The following NAA16 variants were observed in gnomAD, a reference collection of about 807,000 sequenced individuals.
The protein encoded by NAA16 is NARG1-like protein.
In NAA16, 97 loss-of-function variants were observed where a neutral mutation model predicts 110.3. That is an observed-to-expected ratio of 0.88 (90% CI 0.75 to 1.04). The LOEUF is 1.04. NAA16 is among the 50% of genes least tolerant of loss of function. The pLI is 0.00. For synonymous variants in NAA16, 372 were observed against 330.6 expected (o/e 1.13, Z -1.36); for missense variants, 1,017 against 1,005.1 (o/e 1.01, Z -0.16).
Position 41,367,636 on chromosome 13 carries a change from A to G in NAA16, c.1737A>G (p.Gln579=), listed in dbSNP as rs2043233295. 6.2e-7 allele frequency: 1 copy of G among 1,606,110 alleles called. No homozygotes were observed. The highest frequency in any genetic ancestry group is 1.7e-4 in the Middle Eastern group (1 of 6,024). Residue 579 remains glutamine, a synonymous_variant, in exon 14 of 20, where the codon CAA becomes CAG. Coordinates refer to ENST00000379406, the MANE Select transcript of NAA16 (RefSeq NM_024561.5). ...ATCCCTTAACCAATGAAAGCAAACA[A>G]CAAGAAATAAACTCAGGTAACTGAA... The part of the protein sequence containing the change: ...YDNPLTNESK[Q]QEINSENLSA...
rs1024336777 is a variant in NAA16 at position 41,311,687 on chromosome 13, T to C, written c.54+105T>C. The C allele has an allele frequency of 9.8e-6, 10 of 1,023,408 alleles. No homozygotes were observed. In the African/African-American group the frequency reaches 1.5e-4, roughly 15 times the overall value. 63.4% of individuals were successfully genotyped at this position (1,023,408 alleles called of 1,614,324 possible). ...GGCGCGGGCCAGGCTTGGCCTCCGCTGCCCACCGCTCTTTGTTTACCTCGG... is the reference window on the plus strand; with the variant it reads ...GGCGCGGGCCAGGCTTGGCCTCCGCCGCCCACCGCTCTTTGTTTACCTCGG... On this transcript the variant is annotated intron_variant, in intron 1 of 19. Coordinates refer to ENST00000379406, the MANE Select transcript of NAA16 (RefSeq NM_024561.5).
intron 7 of NAA16, among the ~76,000 whole-genome samples, chr13:41,331,011 T>A (rs1431650766): frequency 1.3e-5 from 2 of 152,064 alleles, no homozygotes; most frequent in Non-Finnish European, 2.9e-5. Context: ...TGTGATGGCT[T>A]GTATATGTGA....
At chr13:41,334,544 G>T (rs1315050173) in intron 8 of NAA16, among the ~76,000 whole-genome samples, 6 of 152,156 alleles carry the variant, frequency 3.9e-5, no homozygotes, top group Non-Finnish European at 7.4e-5. Flanking sequence ...ATGTTTTGGG[G>T]ACATCATGCT....
chr13:41,312,106 T>C (rs1029141266), intron 1 of NAA16, among the ~76,000 whole-genome samples: 6 of 152,346 alleles, frequency 3.9e-5, no homozygotes, highest in South Asian at 2.1e-4. Context: ...CCGGCAACTT[T>C]AGGAAGCCAG....
chr13:41,356,602 T>C (rs2042994879), intron 10 of NAA16, among the ~76,000 whole-genome samples: 1 of 152,154 alleles, frequency 6.6e-6, no homozygotes, highest in Non-Finnish European at 1.5e-5. Context: ...AAAAGAAGTC[T>C]TTGTGTTTGG....
intron 13 of NAA16, among the ~76,000 whole-genome samples, chr13:41,365,123 T>C (rs1410829082): frequency 6.6e-6 from 1 of 152,188 alleles, no homozygotes; most frequent in African/African-American, 2.4e-5. Context: ...ATGCTCTTCA[T>C]GTTTGGCCAA....
chr13:41,346,575 C>T (rs147214053), intron 9 of NAA16, among the ~76,000 whole-genome samples: 9 of 151,992 alleles, frequency 5.9e-5, no homozygotes, highest in Non-Finnish European at 8.8e-5. Flanking sequence ...TAGGGCAGGG[C>T]GAACAGTTTA....
intron 7 of NAA16, among the ~76,000 whole-genome samples, 154 bp from the exon 8 acceptor site, chr13:41,331,118 CCA>C (rs528223983): frequency 2.0e-5 from 3 of 152,108 alleles, no homozygotes; most frequent in Admixed American, 2.0e-4. Context: ...TATTTTGCCA[CCA>C]CAGAGTTTTA....
At chr13:41,349,443 A>G (rs1275375424) in intron 9 of NAA16, among the ~76,000 whole-genome samples, 11 of 151,142 alleles carry the variant, frequency 7.3e-5, no homozygotes, top group African/African-American at 1.7e-4. Flanking sequence ...AGGCATCCCA[A>G]AGTGCTGGGA....
chr13:41,327,853 T>A (rs912396220), intron 6 of NAA16: 3 of 151,854 alleles, frequency 2.0e-5, no homozygotes, highest in Non-Finnish European at 4.4e-5. Context: ...TGGTAATTAT[T>A]CCTAGTTCAG....
chr13:41,331,894 T>C (rs1254077856), intron 8 of NAA16, among the ~76,000 whole-genome samples: 1 of 152,130 alleles, frequency 6.6e-6, no homozygotes, highest in Non-Finnish European at 1.5e-5. Flanking sequence ...TAACAAAATA[T>C]CATGTACTGC....
rs1566246559 is a variant in NAA16 at position 41,323,155 on chromosome 13, C to T, written c.502C>T (p.Leu168=). 6.2e-7 allele frequency: 1 copy of T among 1,613,948 alleles called. No homozygotes were observed. Among genetic ancestry groups the T allele is most frequent in the East Asian group, 2.2e-5 (1 of 44,880 alleles). Residue 168 remains leucine, a synonymous_variant, in exon 5 of 20, where the codon CTA becomes TTA. Transcript: ENST00000379406. Reference sequence around the variant, plus strand: ...TTTGCTGAAAGATTATGATATGGCCCTAAAACTGTTGGAAGAATTTAGACA... The same window carrying T: ...TTTGCTGAAAGATTATGATATGGCCTTAAAACTGTTGGAAGAATTTAGACA... The part of the protein sequence containing the change: ...YHLLKDYDMA[L]KLLEEFRQTQ...
intron 9 of NAA16, among the ~76,000 whole-genome samples, chr13:41,337,501 C>G (rs1277353834): frequency 6.7e-6 from 1 of 150,094 alleles, no homozygotes; most frequent in East Asian, 1.9e-4. Flanking sequence ...CGAGATCGCG[C>G]CACTGCACTC....
rs904957594 is a variant in NAA16 at position 41,373,121 on chromosome 13, A to G, written c.2155+291A>G. On this transcript the variant is annotated intron_variant, in intron 17 of 19. Coordinates refer to ENST00000379406, the MANE Select transcript of NAA16 (RefSeq NM_024561.5). ...TTTACATAGTTAAATGAACGTGTCT[A>G]TAAAATAAACCTGTTAGCCAAGAGA... 4.2e-6 allele frequency: 4 copies of G among 949,146 alleles called. No homozygotes were observed. In the African/African-American group the frequency reaches 5.3e-5, roughly 13 times the overall value. The allele number at this position is 949,146 out of a possible 1,614,324, so 58.8% of individuals were successfully genotyped here.
chr13:41,365,699 G>A (rs1320527617), intron 13 of NAA16, among the ~76,000 whole-genome samples: 1 of 152,184 alleles, frequency 6.6e-6, no homozygotes, highest in African/African-American at 2.4e-5. Flanking sequence ...TGGCAAACTA[G>A]GATAAGTTGG....
intron 9 of NAA16, among the ~76,000 whole-genome samples, chr13:41,340,659 T>G (rs1357695969): frequency 6.0e-3 from 11 of 1,832 alleles, no homozygotes; most frequent in African/African-American, 0.03. Flanking sequence ...TTTTTTTTTT[T>G]TTTTTTTTTT....
chr13:41,363,499 T>C (rs904786526), intron 13 of NAA16, among the ~76,000 whole-genome samples: 5 of 152,212 alleles, frequency 3.3e-5, no homozygotes, highest in African/African-American at 7.2e-5. Flanking sequence ...ATGACTATAT[T>C]GCTTTGTTTT....
At chr13:41,356,286 G>C (rs994709242) in intron 10 of NAA16, among the ~76,000 whole-genome samples, 1 of 152,016 alleles carries the variant, frequency 6.6e-6, no homozygotes, top group African/African-American at 2.4e-5. Context: ...CTCAGCCTCC[G>C]AAAGTGCTGG....
chr13:41,323,916 C>T (rs1459957267), intron 5 of NAA16, among the ~76,000 whole-genome samples: 3 of 152,188 alleles, frequency 2.0e-5, no homozygotes, highest in Non-Finnish European at 4.4e-5. Flanking sequence ...GTTTATCTGT[C>T]ATTTCATAAT....
Sources: allele counts gnomAD v4.1 joint callset (sites outside exome capture counted in the v4.1 genomes callset), GRCh38; gene constraint gnomAD v4.1.1; transcripts MANE v1.5; gene names NCBI Gene and HGNC (gene_info 2026-07-23, HGNC 2026-07-21).